KIAA1217: variants seen among roughly 807,000 people sequenced by gnomAD.
KIAA1217 encodes the protein sickle tail protein homolog.
A neutral mutation model predicts 163.9 loss-of-function variants in KIAA1217; 88 were observed. The observed-to-expected ratio is 0.54, with a 90% confidence interval of 0.45 to 0.64. The LOEUF (loss-of-function observed/expected upper bound fraction) is 0.64, where lower values mean the gene tolerates loss of function less well. KIAA1217 is among the 30% of genes least tolerant of loss of function. The probability of loss-of-function intolerance (pLI) is 0.00; values close to 1 mark genes in which losing one functional copy is unlikely to be tolerated. For missense variants in KIAA1217, 2,372 were observed against 2,475.0 expected (o/e 0.96, Z 0.88); for synonymous variants, 903 against 923.1 (o/e 0.98, Z 0.39).
intron 1 of KIAA1217, among the ~76,000 whole-genome samples, chr10:23,816,019 A>G (rs1400653932): frequency 6.6e-6 from 1 of 152,158 alleles, no homozygotes; most frequent in Non-Finnish European, 1.5e-5. Flanking sequence ...ATAAAAGTTA[A>G]TGAAGTCTTT....
At chr10:24,319,606 C>CTCT (rs1306790268) in intron 2 of KIAA1217, among the ~76,000 whole-genome samples, 12 of 152,114 alleles carry the variant, frequency 7.9e-5, no homozygotes, top group African/African-American at 2.9e-4. Flanking sequence ...GCACGTAGAG[C>CTCT]AAGAGGTAGA....
At chr10:24,469,087 C>T (rs2063226119) in intron 5 of KIAA1217, among the ~76,000 whole-genome samples, 1 of 151,892 alleles carries the variant, frequency 6.6e-6, no homozygotes, top group South Asian at 2.1e-4. Context: ...TCCTTCTGGA[C>T]AGTTCTATAC....
At chr10:23,834,889 G>C (rs1245782210) in intron 1 of KIAA1217, among the ~76,000 whole-genome samples, 1 of 152,158 alleles carries the variant, frequency 6.6e-6, no homozygotes, top group Middle Eastern at 3.4e-3. Flanking sequence ...GCATTCAGAC[G>C]TATTCATAAA....
At chr10:24,526,662 G>T (rs184470154) in intron 13 of KIAA1217, among the ~76,000 whole-genome samples, 10 of 152,092 alleles carry the variant, frequency 6.6e-5, no homozygotes, top group Admixed American at 5.2e-4. Flanking sequence ...CTGACAAATG[G>T]GGTGAGCTTT....
intron 1 of KIAA1217, among the ~76,000 whole-genome samples, chr10:23,843,137 T>C (rs1167935757): frequency 6.6e-6 from 1 of 152,184 alleles, no homozygotes; most frequent in East Asian, 1.9e-4. Flanking sequence ...GTTTGAAATT[T>C]GAATGATTTT....
intron 1 of KIAA1217, among the ~76,000 whole-genome samples, chr10:24,001,996 T>G (rs757835678): frequency 1.3e-5 from 2 of 152,164 alleles, no homozygotes; most frequent in Non-Finnish European, 2.9e-5. Flanking sequence ...AATAAGCAAC[T>G]GCCAGTAGTT....
intron 2 of KIAA1217, among the ~76,000 whole-genome samples, chr10:24,279,395 CTA>C (rs1201233328): frequency 2.0e-5 from 3 of 151,948 alleles, no homozygotes; most frequent in African/African-American, 7.3e-5. Flanking sequence ...TCAGTCATAA[CTA>C]TCTTTAATAC....
intron 17 of KIAA1217, 51 bp downstream of exon 17, chr10:24,536,944 T>C: frequency 6.2e-7 from 1 of 1,605,388 alleles, no homozygotes; most frequent in Non-Finnish European, 8.5e-7. Flanking sequence ...CTTCCTTCCT[T>C]GCTCTGACAC....
intron 1 of KIAA1217, among the ~76,000 whole-genome samples, chr10:23,755,611 G>A (rs1012167331): frequency 2.6e-5 from 4 of 152,162 alleles, no homozygotes; most frequent in Non-Finnish European, 4.4e-5. Context: ...AAAAACAAAC[G>A]AGGAATGAAA....
At chr10:24,099,586 T>TTA (rs1554866057) in intron 2 of KIAA1217, among the ~76,000 whole-genome samples, 28 of 143,434 alleles carry the variant, frequency 2.0e-4, no homozygotes, top group South Asian at 8.8e-4. Flanking sequence ...TATATATATA[T>TTA]TATATATATA....
At chr10:24,515,455 A>T (rs2069955699) in intron 10 of KIAA1217, among the ~76,000 whole-genome samples, 1 of 152,208 alleles carries the variant, frequency 6.6e-6, no homozygotes, top group South Asian at 2.1e-4. Context: ...TTTAATCTCA[A>T]TAATACTCTG....
At chr10:24,537,774 T>C (rs879751775) in intron 17 of KIAA1217, among the ~76,000 whole-genome samples, 2 of 152,150 alleles carry the variant, frequency 1.3e-5, no homozygotes, top group African/African-American at 2.4e-5. Flanking sequence ...AAGTTCAGTA[T>C]AGTTTTAGTG....
At chr10:24,230,221 C>G (rs972109860) in intron 2 of KIAA1217, among the ~76,000 whole-genome samples, 1 of 152,056 alleles carries the variant, frequency 6.6e-6, no homozygotes, top group Admixed American at 6.6e-5. Context: ...GGTTGAGTAT[C>G]CTTTATCTGA....
intron 2 of KIAA1217, among the ~76,000 whole-genome samples, chr10:24,340,200 G>T (rs2046899970): frequency 6.6e-6 from 1 of 152,138 alleles, no homozygotes; most frequent in Non-Finnish European, 1.5e-5. Flanking sequence ...TCTGTTGGTG[G>T]TATGGCTTGG....
intron 1 of KIAA1217, among the ~76,000 whole-genome samples, chr10:24,004,736 C>A (rs1482575623): frequency 1.3e-5 from 2 of 152,250 alleles, no homozygotes; most frequent in Non-Finnish European, 2.9e-5. Flanking sequence ...GTGCTCTTTT[C>A]TTCTTCTCTC....
chr10:24,366,235 A>G (rs1007844537), intron 2 of KIAA1217, among the ~76,000 whole-genome samples: 22 of 152,200 alleles, frequency 1.4e-4, no homozygotes, highest in African/African-American at 5.3e-4. Flanking sequence ...ACTTGAGGTT[A>G]GGAGTTTGAG....
At chr10:24,271,153 G>A (rs962131828) in intron 2 of KIAA1217, among the ~76,000 whole-genome samples, 12 of 151,850 alleles carry the variant, frequency 7.9e-5, no homozygotes, top group Admixed American at 1.3e-4. Context: ...TTCCAATTTG[G>A]CATCAAAGTT....
intron 2 of KIAA1217, among the ~76,000 whole-genome samples, chr10:24,181,480 G>A (rs1207266665): frequency 6.6e-6 from 1 of 152,190 alleles, no homozygotes; most frequent in African/African-American, 2.4e-5. Context: ...AGGAAGAAGA[G>A]CTAGCAAGGT....
In KIAA1217 at chr10:24,282,457, A is replaced by G. The variant is rs188620357; in HGVS notation, c.354+62548A>G. On this transcript the variant is annotated intron_variant, in intron 2 of 20. Transcript: ENST00000376454. ...TTATTTGGAATTCTCTGCATAAGAA[A>G]TTTGTGTTTATTTATCCCCCTGTGT... is the stretch of plus-strand genomic sequence containing the variant. Among the ~76,000 whole-genome samples, 3 of 152,184 alleles carry G rather than the reference A, an allele frequency of 2.0e-5. No individual in the cohort carries two copies. In the East Asian group the frequency reaches 5.8e-4, roughly 29 times the overall value.
Sources: gnomAD v4.1 joint callset for allele counts (sites outside exome capture counted in the v4.1 genomes callset) on GRCh38, gnomAD v4.1.1 for gene constraint, MANE v1.5 for transcripts, NCBI Gene and HGNC (gene_info 2026-07-23, HGNC 2026-07-21) for gene names.